Variants in SLCO5A1 observed in about 807,000 individuals in gnomAD.
SLCO5A1 encodes organic anion transporter polypeptide-related protein 4.
A neutral mutation model predicts 65.1 loss-of-function variants in SLCO5A1; 39 were observed. That is an observed-to-expected ratio of 0.60 (90% confidence interval 0.46 to 0.78). SLCO5A1 has a LOEUF of 0.78. Among genes scored for constraint, SLCO5A1 ranks in the 30% least tolerant of loss-of-function variants. The probability of loss-of-function intolerance (pLI) is 0.00; values close to 1 mark genes in which losing one functional copy is unlikely to be tolerated. For synonymous variants in SLCO5A1, 438 were observed against 415.7 expected (o/e 1.05, Z -0.65); for missense variants, 1,029 against 1,069.4 (o/e 0.96, Z 0.53).
intron 2 of SLCO5A1, among the ~76,000 whole-genome samples, chr8:69,795,223 A>C (rs973250112): frequency 6.6e-6 from 1 of 152,208 alleles, no homozygotes; most frequent in Non-Finnish European, 1.5e-5. Context: ...GTCCCCCCAA[A>C]GTCTTAACTT....
chr8:69,753,914 G>A (rs750989895), intron 4 of SLCO5A1, among the ~76,000 whole-genome samples: 12 of 151,032 alleles, frequency 7.9e-5, no homozygotes, highest in Non-Finnish European at 1.6e-4. Context: ...TGTTCGGGAG[G>A]CTGAGGCAGG....
intron 9 of SLCO5A1, among the ~76,000 whole-genome samples, chr8:69,673,713 T>G (rs1813431376): frequency 6.6e-6 from 1 of 152,170 alleles, no homozygotes; most frequent in African/African-American, 2.4e-5. Context: ...TCATTAAGTA[T>G]TCAACAGGCT....
intron 2 of SLCO5A1, among the ~76,000 whole-genome samples, chr8:69,768,870 T>G (rs545325378): frequency 2.6e-5 from 4 of 152,262 alleles, no homozygotes; most frequent in African/African-American, 9.6e-5. Context: ...CCTCTTTCCC[T>G]TCTCTTGCTA....
At chr8:69,688,932 G>T in intron 6 of SLCO5A1, among the ~76,000 whole-genome samples, 1 of 152,038 alleles carries the variant, frequency 6.6e-6, no homozygotes, top group Admixed American at 6.6e-5. Flanking sequence ...CACCATGGTT[G>T]AACTAGTTTA....
intron 6 of SLCO5A1, among the ~76,000 whole-genome samples, chr8:69,685,607 T>C (rs892225291): frequency 1.3e-5 from 2 of 152,204 alleles, no homozygotes. Context: ...TGGTCCACAA[T>C]GTAAGCCTGA....
chr8:69,781,865 C>G (rs919394700), intron 2 of SLCO5A1, among the ~76,000 whole-genome samples: 1 of 152,146 alleles, frequency 6.6e-6, no homozygotes, highest in Non-Finnish European at 1.5e-5. Context: ...CCATGTTGGT[C>G]AGGCTGGTCT....
intron 2 of SLCO5A1, among the ~76,000 whole-genome samples, chr8:69,784,674 G>A (rs776912498): frequency 1.3e-4 from 20 of 151,534 alleles, no homozygotes; most frequent in African/African-American, 2.7e-4. Context: ...TGTAATCCCC[G>A]CTACCCAGGA....
In SLCO5A1 at chr8:69,799,600, G is replaced by A. The variant is rs554269577; in HGVS notation, c.907+32167C>T. Among the ~76,000 whole-genome samples, 3 of 152,252 alleles carry A rather than the reference G, an allele frequency of 2.0e-5. No homozygotes were observed. In the East Asian group the frequency reaches 5.8e-4, roughly 29 times the overall value. On this transcript the variant is annotated intron_variant, in intron 2 of 9. Transcript: ENST00000260126. ...ACCTGAGACTGAGTAATTTATAAAG[G>A]AAAAAGGTTTAATTAACTCACAGTT...
chr8:69,752,960 C>T (rs1343796277), intron 4 of SLCO5A1, among the ~76,000 whole-genome samples: 1 of 152,210 alleles, frequency 6.6e-6, no homozygotes, highest in East Asian at 1.9e-4. Context: ...TATCTTGAAC[C>T]ATCAAACTGA....
intron 3 of SLCO5A1, among the ~76,000 whole-genome samples, chr8:69,760,349 A>G (rs1242130510): frequency 6.6e-6 from 1 of 152,182 alleles, no homozygotes; most frequent in African/African-American, 2.4e-5. Flanking sequence ...ACCAGACATA[A>G]CACTTCCAGC....
intron 5 of SLCO5A1, among the ~76,000 whole-genome samples, chr8:69,706,175 A>G (rs1476472961): frequency 6.6e-6 from 1 of 152,258 alleles, no homozygotes; most frequent in African/African-American, 2.4e-5. Context: ...AAGGAACCAC[A>G]TGCAGCAGAA....
At chr8:69,822,492 T>G (rs115461064) in intron 2 of SLCO5A1, among the ~76,000 whole-genome samples, 2,484 of 152,236 alleles carry the variant, frequency 0.016, 72 homozygotes, top group African/African-American at 0.057. Flanking sequence ...TTCCCAGGAG[T>G]GCTCTCCTAT....
At chr8:69,789,698 C>T (rs1819187219) in intron 2 of SLCO5A1, among the ~76,000 whole-genome samples, 1 of 152,012 alleles carries the variant, frequency 6.6e-6, no homozygotes, top group South Asian at 2.1e-4. Context: ...TGTCTTATCA[C>T]CAAAAATTAA....
intron 5 of SLCO5A1, among the ~76,000 whole-genome samples, chr8:69,717,918 G>T (rs773350608): frequency 6.6e-6 from 1 of 152,076 alleles, no homozygotes; most frequent in East Asian, 1.9e-4. Flanking sequence ...TTTTTGTAGT[G>T]AGAACACACA....
chr8:69,708,216 T>G (rs1006362377), intron 5 of SLCO5A1, among the ~76,000 whole-genome samples: 1 of 152,152 alleles, frequency 6.6e-6, no homozygotes, highest in African/African-American at 2.4e-5. Flanking sequence ...TCAGAAAGAC[T>G]GGAGTTCAAA....
At chr8:69,807,608 G>C (rs1388916692) in intron 2 of SLCO5A1, among the ~76,000 whole-genome samples, 1 of 152,206 alleles carries the variant, frequency 6.6e-6, no homozygotes, top group African/African-American at 2.4e-5. Flanking sequence ...AGCTCATGTA[G>C]TATGTGTTTC....
intron 2 of SLCO5A1, among the ~76,000 whole-genome samples, chr8:69,772,649 GAAA>G (rs1818381712): frequency 6.6e-6 from 1 of 150,954 alleles, no homozygotes; most frequent in East Asian, 2.0e-4. Flanking sequence ...GAAAGGAAAG[GAAA>G]GGAAAAGAAA....
chr8:69,676,543 G>T, intron 9 of SLCO5A1, 66 bp downstream of exon 9: 2 of 1,376,688 alleles, frequency 1.5e-6, no homozygotes, highest in African/African-American at 1.4e-5. Flanking sequence ...CATTTTTAAA[G>T]GACAGTGAAA....
intron 4 of SLCO5A1, among the ~76,000 whole-genome samples, chr8:69,739,828 A>G (rs1364829333): frequency 6.6e-6 from 1 of 152,192 alleles, no homozygotes; most frequent in African/African-American, 2.4e-5. Context: ...ACTGTAAATT[A>G]AAATGTCATA....
Sources: allele counts gnomAD v4.1 joint callset (sites outside exome capture counted in the v4.1 genomes callset), GRCh38; gene constraint gnomAD v4.1.1; transcripts MANE v1.5; gene names NCBI Gene and HGNC (gene_info 2026-07-23, HGNC 2026-07-21).